The following DNM3 variants were observed in gnomAD, a reference collection of about 807,000 sequenced individuals.
The protein encoded by DNM3 is dynamin-3.
In DNM3, 47 loss-of-function variants were observed where a neutral mutation model predicts 101.6. The ratio of observed to expected loss-of-function variants is 0.46; its 90% CI spans 0.37 to 0.59. The LOEUF (loss-of-function observed/expected upper bound fraction) is 0.59. Among genes scored for constraint, DNM3 ranks in the 20% least tolerant of loss-of-function variants. The pLI is 0.00. For synonymous variants in DNM3, 385 were observed against 387.9 expected (o/e 0.99, Z 0.09); for missense variants, 849 against 1,085.7 (o/e 0.78, Z 3.06).
intron 4 of DNM3, among the ~76,000 whole-genome samples, chr1:172,020,306 TA>T (rs1301781924): frequency 6.6e-6 from 1 of 152,098 alleles, no homozygotes; most frequent in Non-Finnish European, 1.5e-5. Context: ...TTCCCCTATA[TA>T]GAAGGCTAGA....
downstream of DNM3, among the ~76,000 whole-genome samples, chr1:172,414,980 A>G (rs1385508013): frequency 2.6e-5 from 4 of 152,130 alleles, no homozygotes; most frequent in Non-Finnish European, 5.9e-5. Context: ...GCTACCGGAG[A>G]GGCTGAGGCA....
intron 4 of DNM3, 145 bp downstream of exon 4, chr1:171,989,293 A>G (rs1356924480): frequency 1.1e-5 from 5 of 467,818 alleles, no homozygotes; most frequent in Non-Finnish European, 1.4e-5. Context: ...TATTTTAAAT[A>G]GAAAATTCAG....
chr1:172,158,262 G>C (rs1006041435), intron 14 of DNM3, among the ~76,000 whole-genome samples: 12 of 152,028 alleles, frequency 7.9e-5, no homozygotes, highest in African/African-American at 2.9e-4. Flanking sequence ...AAGAATAGGA[G>C]TAGATAAGGT....
chr1:171,874,824 T>C (rs1026131888), intron 1 of DNM3, among the ~76,000 whole-genome samples: 1 of 151,180 alleles, frequency 6.6e-6, no homozygotes, highest in African/African-American at 2.4e-5. Context: ...CTCCCTTCCT[T>C]TACTTCCCCA....
chr1:172,156,026 GC>G (rs2058324653), intron 14 of DNM3, among the ~76,000 whole-genome samples: 2 of 152,108 alleles, frequency 1.3e-5, no homozygotes, highest in South Asian at 4.2e-4. Flanking sequence ...ATCATTTGTG[GC>G]TTTTTTCATC....
intron 14 of DNM3, among the ~76,000 whole-genome samples, chr1:172,232,942 AT>A (rs1437743062): frequency 1.3e-5 from 2 of 152,306 alleles, no homozygotes; most frequent in South Asian, 2.1e-4. Context: ...AGCAGGAAAG[AT>A]CTAAAATTGA....
At chr1:172,297,821 T>C (rs2064239126) in intron 15 of DNM3, among the ~76,000 whole-genome samples, 1 of 152,174 alleles carries the variant, frequency 6.6e-6, no homozygotes, top group African/African-American at 2.4e-5. Context: ...CACCTGATTG[T>C]ACTTTTGATG....
At chr1:171,920,847 CA>C (rs2040100927) in intron 1 of DNM3, among the ~76,000 whole-genome samples, 1 of 152,168 alleles carries the variant, frequency 6.6e-6, no homozygotes, top group Non-Finnish European at 1.5e-5. Flanking sequence ...TGAGAACAAA[CA>C]AAACTCAATT....
intron 14 of DNM3, among the ~76,000 whole-genome samples, chr1:172,202,865 G>A (rs1409578428): frequency 4.6e-5 from 7 of 152,172 alleles, no homozygotes; most frequent in African/African-American, 1.4e-4. Flanking sequence ...AAGGTTGACT[G>A]AGAGTGAATC....
chr1:172,128,343 A>G (rs1023811409), intron 13 of DNM3, among the ~76,000 whole-genome samples: 2 of 152,270 alleles, frequency 1.3e-5, no homozygotes, highest in East Asian at 1.9e-4. Flanking sequence ...CAACTCCTCC[A>G]GTTTCCCAAA....
intron 1 of DNM3, among the ~76,000 whole-genome samples, chr1:171,898,570 G>T (rs2038015181): frequency 6.6e-6 from 1 of 151,788 alleles, no homozygotes. Flanking sequence ...AAAACTAAAA[G>T]AAAATAAAAA....
chr1:172,292,623 ACG>A (rs1553224124), intron 15 of DNM3, among the ~76,000 whole-genome samples: 1 of 147,770 alleles, frequency 6.8e-6, no homozygotes, highest in African/African-American at 2.6e-5. Context: ...ACACACACAC[ACG>A]CGCGTGCGTA....
At chr1:172,098,981 G>A (rs1385260830) in intron 13 of DNM3, among the ~76,000 whole-genome samples, 4 of 152,184 alleles carry the variant, frequency 2.6e-5, no homozygotes, top group Non-Finnish European at 5.9e-5. Flanking sequence ...GAATTCTCTT[G>A]GCCTTGTAAA....
intron 1 of DNM3, among the ~76,000 whole-genome samples, chr1:171,889,728 A>G (rs751175719): frequency 5.3e-5 from 8 of 152,230 alleles, no homozygotes; most frequent in Non-Finnish European, 1.2e-4. Context: ...TTGTTTATCT[A>G]GAAGTCGGAA....
intron 14 of DNM3, among the ~76,000 whole-genome samples, chr1:172,160,219 C>T (rs975259272): frequency 6.6e-6 from 1 of 152,000 alleles, no homozygotes; most frequent in Non-Finnish European, 1.5e-5. Context: ...AAACACTGTA[C>T]ACTTGGGCTA....
intron 1 of DNM3, among the ~76,000 whole-genome samples, chr1:171,859,493 A>G (rs897183371): frequency 6.6e-6 from 1 of 152,168 alleles, no homozygotes; most frequent in Non-Finnish European, 1.5e-5. Flanking sequence ...TAATTATTCA[A>G]TGCATTAATC....
At chr1:172,055,244 A>G (rs4333881) in intron 10 of DNM3, among the ~76,000 whole-genome samples, 1 of 151,756 alleles carries the variant, frequency 6.6e-6, no homozygotes, top group Non-Finnish European at 1.5e-5. Flanking sequence ...AGGCCAAGGA[A>G]ACATGTCTGT....
chr1:172,347,405 T>G (rs1326361052), intron 17 of DNM3, among the ~76,000 whole-genome samples: 2 of 152,126 alleles, frequency 1.3e-5, no homozygotes, highest in African/African-American at 2.4e-5. Flanking sequence ...ATTTTGGAGT[T>G]ACTAGGTACA....
At chr1:172,199,460 T>G (rs2060072669) in intron 14 of DNM3, among the ~76,000 whole-genome samples, 1 of 152,102 alleles carries the variant, frequency 6.6e-6, no homozygotes, top group African/African-American at 2.4e-5. Flanking sequence ...TCTGAATATC[T>G]TTGTTAATTT....
Sources: allele counts gnomAD v4.1 joint callset (sites outside exome capture counted in the v4.1 genomes callset), GRCh38; gene constraint gnomAD v4.1.1; transcripts MANE v1.5; gene names NCBI Gene and HGNC (gene_info 2026-07-23, HGNC 2026-07-21).